GRID1: variants seen among roughly 807,000 people sequenced by gnomAD.
GRID1 encodes the protein glutamate receptor ionotropic, delta-1.
In GRID1, 28 loss-of-function variants were observed where a neutral mutation model predicts 98.0. That is an observed-to-expected ratio of 0.29 (90% CI 0.21 to 0.39). The LOEUF is 0.39. Among genes scored for constraint, GRID1 ranks in the 10% least tolerant of loss-of-function variants. The pLI is 1.00. For synonymous variants in GRID1, 553 were observed against 538.5 expected (o/e 1.03, Z -0.37); for missense variants, 1,111 against 1,340.5 (o/e 0.83, Z 2.67).
rs1848659864 is a variant in GRID1 at position 86,365,296 on chromosome 10, CCA to C, written c.79+1016_79+1017del. ...CCTCGCCTTCAACACCTCCCAACCCCCAGTTTCCCTGTGCTCGCTGGTCTTTC... is the reference window on the plus strand; with the variant it reads ...CCTCGCCTTCAACACCTCCCAACCCCGTTTCCCTGTGCTCGCTGGTCTTTC... On this transcript the variant is annotated intron_variant, in intron 1 of 15. Coordinates refer to ENST00000327946, the MANE Select transcript of GRID1 (RefSeq NM_017551.3). This position sits in a 1 kb window ranked among gnomAD's most constrained non-coding sequence, Gnocchi z 4.8. Among the ~76,000 whole-genome samples the C allele has an allele frequency of 2.0e-5, 3 of 151,810 alleles. No homozygotes were observed. Among genetic ancestry groups the C allele is most frequent in the Non-Finnish European group, 2.9e-5 (2 of 67,942 alleles).
At chr10:86,075,521 A>G (rs1372692199) in intron 4 of GRID1, among the ~76,000 whole-genome samples, 5 of 152,116 alleles carry the variant, frequency 3.3e-5, no homozygotes, top group South Asian at 2.1e-4. Flanking sequence ...TGAACTTCCA[A>G]CCTCCAGAAC....
intron 2 of GRID1, among the ~76,000 whole-genome samples, chr10:86,219,637 G>T (rs1183699568): frequency 6.6e-6 from 1 of 152,216 alleles, no homozygotes; most frequent in African/African-American, 2.4e-5. Flanking sequence ...GGAGAGAGCT[G>T]GGGTGAAGCT....
At chr10:85,685,552 T>A (rs1212534834) in intron 12 of GRID1, among the ~76,000 whole-genome samples, 1 of 152,028 alleles carries the variant, frequency 6.6e-6, no homozygotes, top group African/African-American at 2.4e-5. Flanking sequence ...AAAACACTGA[T>A]CCAAAAACAT....
chr10:85,719,830 A>C (rs1329675021), intron 12 of GRID1, among the ~76,000 whole-genome samples: 5 of 152,228 alleles, frequency 3.3e-5, no homozygotes, highest in Non-Finnish European at 7.3e-5. Flanking sequence ...GTAAAATGTA[A>C]AAATATAAAA....
intron 2 of GRID1, among the ~76,000 whole-genome samples, chr10:86,282,662 T>C (rs1464018111): frequency 1.3e-5 from 2 of 151,878 alleles, no homozygotes; most frequent in African/African-American, 4.8e-5. Flanking sequence ...TCCCAGGGAG[T>C]TACAGAGAGT....
At chr10:85,934,682 T>C (rs1841903444) in intron 4 of GRID1, among the ~76,000 whole-genome samples, 1 of 152,202 alleles carries the variant, frequency 6.6e-6, no homozygotes, top group African/African-American at 2.4e-5. Flanking sequence ...AAAATACCTA[T>C]GTCTTTTAGA....
At chr10:85,686,077 A>G (rs552903956) in intron 12 of GRID1, among the ~76,000 whole-genome samples, 44 of 152,308 alleles carry the variant, frequency 2.9e-4, no homozygotes, top group African/African-American at 1.1e-3. Flanking sequence ...TTCAATACAT[A>G]TAAAAGAATA....
intron 12 of GRID1, among the ~76,000 whole-genome samples, chr10:85,721,084 C>T (rs1156394083): frequency 6.6e-6 from 1 of 151,650 alleles, no homozygotes; most frequent in Admixed American, 6.6e-5. Context: ...CAAATAAGCA[C>T]AAAAAAAGGT....
intron 2 of GRID1, among the ~76,000 whole-genome samples, chr10:86,339,110 C>T (rs1460086671): frequency 6.6e-6 from 1 of 152,174 alleles, no homozygotes; most frequent in East Asian, 1.9e-4. Context: ...ACCCTGAACC[C>T]CAGCACCCAA....
intron 12 of GRID1, among the ~76,000 whole-genome samples, chr10:85,677,316 C>T (rs1023406623): frequency 6.6e-6 from 1 of 152,168 alleles, no homozygotes; most frequent in Non-Finnish European, 1.5e-5. Context: ...ATGCCTGGCA[C>T]ACAGTGGCCA....
At chr10:86,275,449 T>A (rs892559520) in intron 2 of GRID1, among the ~76,000 whole-genome samples, 5 of 152,010 alleles carry the variant, frequency 3.3e-5, no homozygotes, top group African/African-American at 1.2e-4. Flanking sequence ...GCATCAGACT[T>A]ACTAGATAAC....
chr10:85,764,379 C>T (rs11201779), intron 8 of GRID1, among the ~76,000 whole-genome samples: 6,513 of 152,262 alleles, frequency 0.043, 205 homozygotes, highest in East Asian at 0.088. Context: ...CAAATGGCCC[C>T]GCATAGCACT....
intron 8 of GRID1, among the ~76,000 whole-genome samples, chr10:85,813,983 T>C (rs538145636): frequency 6.6e-6 from 1 of 151,464 alleles, no homozygotes; most frequent in African/African-American, 2.4e-5. Context: ...TGTAAATAAA[T>C]AAAATGAAAT....
intron 12 of GRID1, among the ~76,000 whole-genome samples, chr10:85,704,042 A>G (rs1841485410): frequency 6.6e-6 from 1 of 152,018 alleles, no homozygotes; most frequent in Non-Finnish European, 1.5e-5. Flanking sequence ...TTCTTTAAGA[A>G]TGTTGAATAT....
intron 3 of GRID1, among the ~76,000 whole-genome samples, chr10:86,168,864 A>G (rs1845439316): frequency 6.6e-6 from 1 of 152,234 alleles, no homozygotes; most frequent in South Asian, 2.1e-4. Flanking sequence ...CACAGGTGAC[A>G]GCACCATTCA....
Position 85,684,399 on chromosome 10 carries a change from C to G in GRID1, c.1998-37002G>C, listed in dbSNP as rs141784820. On this transcript the variant is annotated intron_variant, in intron 12 of 15. Transcript: ENST00000327946. ...AGAAAATTAATATAGCAATTGTAAC[C>G]TGAGTTTCTTTCAGAAATGCAAAGT... Among the ~76,000 whole-genome samples, 92 of 152,194 alleles carry G rather than the reference C, an allele frequency of 6.0e-4. 2 individuals are homozygous for G. Among genetic ancestry groups the G allele is most frequent in the African/African-American group, 2.1e-3 (86 of 41,532 alleles).
At chr10:86,019,507 G>A (rs1843022302) in intron 4 of GRID1, among the ~76,000 whole-genome samples, 1 of 152,234 alleles carries the variant, frequency 6.6e-6, no homozygotes, top group Non-Finnish European at 1.5e-5. Context: ...CCACACCCTG[G>A]CCAGCCAGGA....
At chr10:86,103,525 C>T (rs1396680605) in intron 4 of GRID1, among the ~76,000 whole-genome samples, 3 of 152,236 alleles carry the variant, frequency 2.0e-5, no homozygotes, top group African/African-American at 7.2e-5. Context: ...CCCAAGCAAG[C>T]GTCAGCCATG....
chr10:85,917,933 C>A (rs536216551), intron 4 of GRID1, among the ~76,000 whole-genome samples: 1 of 152,340 alleles, frequency 6.6e-6, no homozygotes, highest in East Asian at 1.9e-4. Context: ...TCTCAGCCAC[C>A]CCATCCAGAG....
Sources: allele counts gnomAD v4.1 joint callset (sites outside exome capture counted in the v4.1 genomes callset), GRCh38; gene constraint gnomAD v4.1.1; non-coding constraint Gnocchi (gnomAD v3.1); transcripts MANE v1.5; gene names NCBI Gene and HGNC (gene_info 2026-07-23, HGNC 2026-07-21).